CERS4: variants seen among roughly 807,000 people sequenced by gnomAD.
CERS4 encodes ceramide synthase 4, also known as LAG1 homolog, ceramide synthase 4.
A neutral mutation model predicts 51.8 loss-of-function variants in CERS4; 65 were observed. The ratio of observed to expected loss-of-function variants is 1.26; its 90% confidence interval spans 1.03 to 1.54. The LOEUF (loss-of-function observed/expected upper bound fraction) is 1.54, where lower values mean the gene tolerates loss of function less well. Among genes scored for constraint, CERS4 ranks in the 40% most tolerant of loss-of-function variants. The pLI, the probability that CERS4 is intolerant of heterozygous loss-of-function variation, is 0.00. For missense variants in CERS4, 563 were observed against 500.4 expected, an observed-to-expected ratio of 1.13 and a Z score of -1.19; for synonymous variants, 228 against 208.4, an observed-to-expected ratio of 1.09 and a Z score of -0.81.
At chr19:8,255,941 A>G in intron 6 of CERS4, 62 bp downstream of exon 6, 1 of 1,561,690 alleles carries the variant, frequency 6.4e-7, no homozygotes, top group Non-Finnish European at 8.8e-7. Context: ...TAGATCTGGC[A>G]GGAGTGGGGG....
intron 2 of CERS4, among the ~76,000 whole-genome samples, chr19:8,228,469 G>A (rs1005520090): frequency 6.6e-6 from 1 of 152,124 alleles, no homozygotes; most frequent in Admixed American, 6.6e-5. Context: ...GAGGCCAGTA[G>A]TTTGAGACCA....
intron 2 of CERS4, among the ~76,000 whole-genome samples, chr19:8,217,783 C>T (rs1033760866): frequency 2.6e-5 from 4 of 152,092 alleles, no homozygotes; most frequent in Admixed American, 6.6e-5. Flanking sequence ...GTGATCCGCC[C>T]GCCTCGGCCT....
chr19:8,261,802 C>T lies in CERS4; in HGVS notation c.963C>T (p.Cys321=). ...LLQLLHVFWS[C]LILRMLYSFM... is the part of the protein sequence containing the mutation. The stretch of plus-strand genomic sequence containing the variant: ...AGCTGCTGCACGTGTTCTGGTCTTG[C>T]CTCATTCTGCGCATGCTCTATAGCT... The change falls in exon 11 of 12, where the codon TGC becomes TGT. Residue 321 remains cysteine (C), a synonymous_variant. Transcript: ENST00000251363. The T allele has an allele frequency of 6.2e-7, 1 of 1,614,142 alleles. No homozygotes were observed. The highest frequency in any genetic ancestry group is 8.5e-7 in the Non-Finnish European group (1 of 1,179,984).
intron 3 of CERS4, among the ~76,000 whole-genome samples, chr19:8,253,845 C>T (rs148872537): frequency 6.6e-6 from 1 of 151,990 alleles, no homozygotes; most frequent in Non-Finnish European, 1.5e-5. Context: ...CCACCTCAGC[C>T]CCAAAGTTCT....
At chr19:8,221,129 TA>T (rs1157545989) in intron 2 of CERS4, among the ~76,000 whole-genome samples, 1 of 146,448 alleles carries the variant, frequency 6.8e-6, no homozygotes, top group African/African-American at 2.6e-5. Flanking sequence ...CCGGCCTGTG[TA>T]TTTTTTTTTT....
chr19:8,217,028 T>C (rs1967329516), intron 2 of CERS4, among the ~76,000 whole-genome samples: 1 of 152,044 alleles, frequency 6.6e-6, no homozygotes, highest in African/African-American at 2.4e-5. Context: ...TGCTGGAGTC[T>C]GGAAGGAGCT....
chr19:8,256,401 C>A, intron 7 of CERS4, 115 bp downstream of exon 7: 1 of 1,246,570 alleles, frequency 8.0e-7, no homozygotes, highest in South Asian at 1.3e-5. Context: ...CCACTGAGTC[C>A]CACGCTCTTT....
chr19:8,224,137 G>A (rs1414950038), intron 2 of CERS4, among the ~76,000 whole-genome samples: 3 of 136,770 alleles, frequency 2.2e-5, no homozygotes, highest in Admixed American at 7.5e-5. Flanking sequence ...GGCCAGGCAC[G>A]GTGGCCCATG....
intron 2 of CERS4, among the ~76,000 whole-genome samples, chr19:8,244,588 A>G (rs1275166437): frequency 6.6e-6 from 1 of 151,980 alleles, no homozygotes; most frequent in Non-Finnish European, 1.5e-5. Context: ...GAATCCCCTT[A>G]TCTCTACCTT....
At chr19:8,240,519 C>T (rs2145244831) in intron 2 of CERS4, 1 of 151,946 alleles carries the variant, frequency 6.6e-6, no homozygotes, top group East Asian at 1.9e-4. Flanking sequence ...CCTCTGGCCG[C>T]AGGAATCAGG....
chr19:8,231,549 C>CT (rs1320392200), intron 2 of CERS4, among the ~76,000 whole-genome samples: 3 of 151,812 alleles, frequency 2.0e-5, no homozygotes, highest in Non-Finnish European at 2.9e-5. Flanking sequence ...TGGCTCTTTT[C>CT]TTTTCTTTTT....
At chr19:8,221,791 G>T (rs1270297999) in intron 2 of CERS4, among the ~76,000 whole-genome samples, 2 of 149,852 alleles carry the variant, frequency 1.3e-5, no homozygotes, top group African/African-American at 4.9e-5. Context: ...CTACCAAAGT[G>T]CTGGGATTAC....
At chr19:8,254,709 C>A in intron 4 of CERS4, 93 bp downstream of exon 4, 2 of 1,154,372 alleles carry the variant, frequency 1.7e-6, no homozygotes, top group South Asian at 1.3e-5. Context: ...CAGGAGAAGC[C>A]AAGGTGGCTG....
chr19:8,230,252 A>G (rs2927725), intron 2 of CERS4, among the ~76,000 whole-genome samples: 129,632 of 151,604 alleles, frequency 0.86, 55,533 homozygotes, highest in African/African-American at 0.91. Flanking sequence ...GTGCGATCTC[A>G]GATCTCGGCT....
chr19:8,254,322 C>CAAAAAAAAAAAAAAAA (rs74176633), intron 3 of CERS4, among the ~76,000 whole-genome samples, 177 bp from the exon 4 acceptor site: 6 of 38,772 alleles, frequency 1.5e-4, no homozygotes, highest in African/African-American at 4.0e-4. Flanking sequence ...TACTCTGTCT[C>CAAAAAAAAAAAAAAAA]AAAAAAAAAA....
chr19:8,229,757 A>C (rs1288173970), intron 2 of CERS4, among the ~76,000 whole-genome samples: 3 of 151,772 alleles, frequency 2.0e-5, no homozygotes, highest in Non-Finnish European at 2.9e-5. Context: ...GACAGGCTGG[A>C]ATGCAGTGGC....
chr19:8,221,884 T>TTTTG lies in CERS4; in HGVS notation c.-2+11025_-2+11026insGTTT, dbSNP rs1555772061. 8.7e-4 allele frequency among the ~76,000 whole-genome samples: 84 copies of TTTTG among 96,780 alleles called. 7 individuals carry two copies. The East Asian group carries it at 0.02, about 23-fold the overall frequency. The allele number at this position is 96,780 out of a possible 152,430, so 63.5% of individuals were successfully genotyped here. On this transcript the variant is annotated intron_variant, in intron 2 of 11. Coordinates refer to ENST00000251363, the MANE Select transcript of CERS4 (RefSeq NM_024552.3). ...TTTATTTTTTTATGTTTTTTTTTTT[T>TTTTG]TTTTTTTTTTTTTTTGAGACAGAGG... is the stretch of plus-strand genomic sequence containing the variant.
intron 2 of CERS4, among the ~76,000 whole-genome samples, chr19:8,228,216 G>C (rs2967630): frequency 0.79 from 120,333 of 151,876 alleles, 47,696 homozygotes; most frequent in African/African-American, 0.83. Context: ...ACAGGTGTGA[G>C]CCAACGTGCC....
At chr19:8,237,114 AAC>A (rs1184121065) in intron 2 of CERS4, among the ~76,000 whole-genome samples, 1 of 151,990 alleles carries the variant, frequency 6.6e-6, no homozygotes, top group African/African-American at 2.4e-5. Flanking sequence ...CTGCCCCAGG[AAC>A]ACAGAGACGA....
Sources: gnomAD v4.1 joint callset for allele counts (sites outside exome capture counted in the v4.1 genomes callset) on GRCh38, gnomAD v4.1.1 for gene constraint, MANE v1.5 for transcripts, NCBI Gene and HGNC (gene_info 2026-07-23, HGNC 2026-07-21) for gene names.